Variants in DIP2A observed in about 807,000 individuals in gnomAD.
DIP2A encodes the protein DIP2 acetate--CoA ligase A.
DIP2A carries 85 observed loss-of-function variants against 177.4 expected under a neutral mutation model. The ratio of observed to expected loss-of-function variants is 0.48; its 90% CI spans 0.40 to 0.57. DIP2A has a LOEUF of 0.57. Among genes scored for constraint, DIP2A ranks in the 20% least tolerant of loss-of-function variants. DIP2A has a pLI of 0.00. For synonymous variants in DIP2A, 886 were observed against 881.8 expected (o/e 1.00, Z -0.08); for missense variants, 1,791 against 2,100.2 (o/e 0.85, Z 2.88).
rs986668119 is a variant in DIP2A at position 46,566,675 on chromosome 21, C to T, written c.4455C>T (p.Ile1485=). 5.0e-6 allele frequency: 8 copies of T among 1,614,072 alleles called. No homozygotes were observed. In the Admixed American group the frequency reaches 5.0e-5, roughly 10 times the overall value. ...CTGTCATCCGAGCACACAGGAGCATCGCTGAGTGGTAAGAGCCCAGGTGGA... is the reference window on the plus strand; with the variant it reads ...CTGTCATCCGAGCACACAGGAGCATTGCTGAGTGGTAAGAGCCCAGGTGGA... ...ETSVIRAHRS[I]AECAVFTWTN... Residue 1485 remains isoleucine, a synonymous_variant, in exon 37 of 38, where the codon ATC becomes ATT. Transcript: ENST00000417564.
chr21:46,564,148 AAG>A (rs1248818891), intron 35 of DIP2A, among the ~76,000 whole-genome samples: 1 of 152,226 alleles, frequency 6.6e-6, no homozygotes, highest in Non-Finnish European at 1.5e-5. Context: ...TGACCTAACC[AAG>A]AGAGGGGAAC....
chr21:46,478,481 G>A (rs2148391213), intron 1 of DIP2A, among the ~76,000 whole-genome samples: 1 of 152,234 alleles, frequency 6.6e-6, no homozygotes. Flanking sequence ...CAAAGTGCTG[G>A]GATTACAGGC....
At chr21:46,574,639 A>G (rs1158091331), downstream of DIP2A, among the ~76,000 whole-genome samples, 1 of 152,172 alleles carries the variant, frequency 6.6e-6, no homozygotes, top group African/African-American at 2.4e-5. Context: ...TACCAATTCT[A>G]CAGTAATAAA....
chr21:46,494,684 T>C (rs2057207398), intron 3 of DIP2A, among the ~76,000 whole-genome samples: 1 of 152,248 alleles, frequency 6.6e-6, no homozygotes, highest in Admixed American at 6.5e-5. Flanking sequence ...CCTCCTCCAA[T>C]GGCAACCAAT....
chr21:46,462,698 AC>A (rs1218932466), intron 1 of DIP2A: 1 of 152,230 alleles, frequency 6.6e-6, no homozygotes, highest in Non-Finnish European at 1.5e-5. Context: ...AAGAGTTGTC[AC>A]TGTGCTTGGT....
At chr21:46,473,485 G>C (rs1026596411) in intron 1 of DIP2A, among the ~76,000 whole-genome samples, 1 of 151,380 alleles carries the variant, frequency 6.6e-6, no homozygotes, top group Non-Finnish European at 1.5e-5. Context: ...GGGCCATGGC[G>C]GTGGTTTTTC....
intron 1 of DIP2A, among the ~76,000 whole-genome samples, chr21:46,459,453 C>T (rs1022471065): frequency 6.6e-6 from 1 of 150,518 alleles, no homozygotes; most frequent in Non-Finnish European, 1.5e-5. Context: ...ACCCTAGGAC[C>T]CCGCCCCTCA....
At position 46,563,962 on chromosome 21, in the gene DIP2A, GCTCTCCAGCCT is replaced by G; in HGVS notation, c.4164+32_4164+42del. The G allele has an allele frequency of 6.2e-7, 1 of 1,606,160 alleles. No individual in the cohort carries two copies. On this transcript the variant is annotated intron_variant, in intron 35 of 37. Transcript: ENST00000417564. The surrounding 1 kb of genome is among the most constrained non-coding windows in gnomAD (Gnocchi z 4.3). ...GCAGGGGCCCATGGGAGGGGCTTGA[GCTCTCCAGCCT>G]CACCAGCTTCACCTTCCTTCCCTTT...
Position 46,528,527 on chromosome 21 carries a change from C to CTTTTTTTTTTTTTT in DIP2A, c.1103-537_1103-524dup, listed in dbSNP as rs1162872343. On this transcript the variant is annotated intron_variant, in intron 8 of 37. Coordinates refer to ENST00000417564, the MANE Select transcript of DIP2A (RefSeq NM_015151.4). ...ACCAAATACTGACTTTTTCTGCTTG[C>CTTTTTTTTTTTTTT]TTTTTTTTTTTTTTTTTTTTTTTTT... Among the ~76,000 whole-genome samples, 10 of 29,408 alleles carry CTTTTTTTTTTTTTT rather than the reference C, an allele frequency of 3.4e-4. 3 individuals are homozygous for CTTTTTTTTTTTTTT. The highest frequency in any genetic ancestry group is 4.4e-4 in the Non-Finnish European group (8 of 17,978). The allele number at this position is 29,408 out of a possible 152,430, so 19.3% of individuals were successfully genotyped here. A position where few individuals can be genotyped will look rare whatever the true frequency, so the allele number is the denominator to read the frequency against.
In DIP2A at chr21:46,501,464, C is replaced by T. The variant is rs187121962; in HGVS notation, c.655+2631C>T. Among the ~76,000 whole-genome samples the T allele has an allele frequency of 6.1e-4, 93 of 151,968 alleles. 1 individual carries two copies. Among genetic ancestry groups the T allele is most frequent in the Admixed American group, 5.6e-3 (86 of 15,266 alleles). On this transcript the variant is annotated intron_variant, in intron 5 of 37. Transcript: ENST00000417564. Reference sequence around the variant, plus strand: ...AGACAGGGTCTTGCTCTGTCACCCACGCTGGAGTACAGTGGCATGATCATA... The same window carrying T: ...AGACAGGGTCTTGCTCTGTCACCCATGCTGGAGTACAGTGGCATGATCATA...
In DIP2A at chr21:46,556,096, G is replaced by A. The variant is rs761789457; in HGVS notation, c.3498+5G>A. The A allele has an allele frequency of 6.2e-7, 1 of 1,611,248 alleles. No individual in the cohort carries two copies. Among genetic ancestry groups the A allele is most frequent in the Non-Finnish European group, 8.5e-7 (1 of 1,177,432 alleles). On this transcript the variant is annotated splice_donor_5th_base_variant and intron_variant, in intron 29 of 37. Coordinates refer to ENST00000417564, the MANE Select transcript of DIP2A (RefSeq NM_015151.4). The surrounding 1 kb of genome is among the most constrained non-coding windows in gnomAD (Gnocchi z 4.5). ...GGGATATTAGCGGGAGTGAAGGTAG[G>A]TCCTCTGAAATCTTGTTTGCTTCAG... is the stretch of plus-strand genomic sequence containing the variant.
intron 1 of DIP2A, among the ~76,000 whole-genome samples, chr21:46,466,072 A>G (rs183524121): frequency 3.5e-3 from 531 of 152,358 alleles, no homozygotes; most frequent in Middle Eastern, 6.8e-3. Context: ...TATCTGCTAC[A>G]GTGAGCTTGA....
chr21:46,522,471 C>G (rs2058864624), intron 8 of DIP2A, among the ~76,000 whole-genome samples: 1 of 152,170 alleles, frequency 6.6e-6, no homozygotes, highest in South Asian at 2.1e-4. Context: ...GTTCTCATTT[C>G]TATACCAGAT....
intron 1 of DIP2A, among the ~76,000 whole-genome samples, chr21:46,466,150 T>C (rs28897385): frequency 3.7e-4 from 57 of 152,282 alleles, no homozygotes; most frequent in African/African-American, 1.3e-3. Flanking sequence ...GTATTTGATA[T>C]TATATAATTA....
chr21:46,462,655 A>C (rs2054422062), intron 1 of DIP2A: 1 of 152,198 alleles, frequency 6.6e-6, no homozygotes, highest in Non-Finnish European at 1.5e-5. Flanking sequence ...TATAGCATTC[A>C]CATTTATCTA....
chr21:46,542,555 T>C (rs529733955), intron 18 of DIP2A, among the ~76,000 whole-genome samples: 2 of 152,348 alleles, frequency 1.3e-5, no homozygotes, highest in Non-Finnish European at 2.9e-5. Context: ...CTGACCGTCA[T>C]GTTAGATGTT....
chr21:46,504,156 C>T (rs1243722684), intron 5 of DIP2A, among the ~76,000 whole-genome samples: 3 of 152,212 alleles, frequency 2.0e-5, no homozygotes, highest in Admixed American at 6.5e-5. Context: ...CCCACATGCA[C>T]GCAGATGTCT....
chr21:46,480,432 G>A (rs1319767415), intron 1 of DIP2A, among the ~76,000 whole-genome samples: 1 of 152,200 alleles, frequency 6.6e-6, no homozygotes, highest in Non-Finnish European at 1.5e-5. Flanking sequence ...AATTCAAAGT[G>A]AGATTTGAGT....
chr21:46,561,009 C>T, intron 33 of DIP2A: 2 of 985,376 alleles, frequency 2.0e-6, no homozygotes, highest in African/African-American at 1.7e-5. Flanking sequence ...GGGCGTGCCT[C>T]CCAGGGGAGC....
Sources: gnomAD v4.1 joint callset for allele counts (sites outside exome capture counted in the v4.1 genomes callset) on GRCh38, gnomAD v4.1.1 for gene constraint, Gnocchi (gnomAD v3.1) non-coding constraint, MANE v1.5 for transcripts, NCBI Gene and HGNC (gene_info 2026-07-23, HGNC 2026-07-21) for gene names.